TOP6BL: variants seen among roughly 807,000 people sequenced by gnomAD.
The protein encoded by TOP6BL is TOP6B like initiator of meiotic double strand breaks.
chr11:66,796,357 A>G, the TOP6BL span: 2 of 1,606,154 alleles, frequency 1.2e-6, no homozygotes, highest in Non-Finnish European at 1.7e-6. Context: ...ATCATGGTGC[A>G]CCCTAAGGTA....
chr11:66,761,150 T>C, the TOP6BL span, among the ~76,000 whole-genome samples: 1 of 152,112 alleles, frequency 6.6e-6, no homozygotes, highest in Admixed American at 6.5e-5. Flanking sequence ...AGTGGGCGGA[T>C]CACGAGGTCA....
the TOP6BL span, among the ~76,000 whole-genome samples, chr11:66,752,689 G>A: frequency 6.6e-6 from 1 of 151,922 alleles, no homozygotes; most frequent in African/African-American, 2.4e-5. Flanking sequence ...CTGACCTCAA[G>A]CGATCCACCC....
the TOP6BL span, among the ~76,000 whole-genome samples, chr11:66,798,304 A>G: frequency 2.0e-4 from 30 of 152,248 alleles, no homozygotes; most frequent in South Asian, 6.2e-3. Flanking sequence ...GTTCCTTTAA[A>G]AAGGAGGTGA....
the TOP6BL span, chr11:66,800,564 T>G: frequency 8.8e-7 from 1 of 1,135,536 alleles, no homozygotes; most frequent in Non-Finnish European, 1.3e-6. Context: ...TTCTTTTCCT[T>G]TAGGGATTAG....
the TOP6BL span, among the ~76,000 whole-genome samples, chr11:66,778,099 T>C: frequency 6.6e-6 from 1 of 151,644 alleles, no homozygotes; most frequent in East Asian, 1.9e-4. Context: ...CTTTCTTTTT[T>C]TTTTTTTTTA....
the TOP6BL span, chr11:66,843,346 C>G: frequency 6.8e-7 from 1 of 1,470,576 alleles, no homozygotes; most frequent in South Asian, 1.3e-5. Context: ...CGTCTGCTTC[C>G]GCGTCGGGCC....
At chr11:66,758,087 A>G in the TOP6BL span, 1 of 963,056 alleles carries the variant, frequency 1.0e-6, no homozygotes, top group Non-Finnish European at 1.2e-6. Flanking sequence ...AATGATTCTT[A>G]GATTCTGAAC....
chr11:66,825,173 C>G, the TOP6BL span, among the ~76,000 whole-genome samples: 1 of 151,240 alleles, frequency 6.6e-6, no homozygotes, highest in African/African-American at 2.4e-5. Context: ...CGGATTAGTG[C>G]CTTTATAAAA....
At chr11:66,745,684 G>A in the TOP6BL span, among the ~76,000 whole-genome samples, 1 of 152,242 alleles carries the variant, frequency 6.6e-6, no homozygotes, top group Non-Finnish European at 1.5e-5. Context: ...AAGGCGGCGG[G>A]ATTCCATTTT....
At chr11:66,816,946 G>A in the TOP6BL span, among the ~76,000 whole-genome samples, 4 of 152,004 alleles carry the variant, frequency 2.6e-5, no homozygotes, top group Non-Finnish European at 5.9e-5. Context: ...TTGCAGCCAG[G>A]AGTTCAAGGC....
the TOP6BL span, among the ~76,000 whole-genome samples, chr11:66,840,886 C>G: frequency 6.6e-6 from 1 of 152,148 alleles, no homozygotes. Flanking sequence ...TCCATCCCAA[C>G]TGTTGACCAC....
At chr11:66,756,823 C>T in the TOP6BL span, among the ~76,000 whole-genome samples, 4 of 152,148 alleles carry the variant, frequency 2.6e-5, no homozygotes, top group South Asian at 8.3e-4. Context: ...CTGATCTTCC[C>T]ACCTCAGCCT....
At chr11:66,789,946 A>T in the TOP6BL span, among the ~76,000 whole-genome samples, 8 of 152,172 alleles carry the variant, frequency 5.3e-5, no homozygotes, top group East Asian at 1.3e-3. Context: ...AGTGAGCTAG[A>T]TACTATCTGT....
the TOP6BL span, chr11:66,804,203 T>A: frequency 8.2e-6 from 13 of 1,586,534 alleles, no homozygotes; most frequent in Admixed American, 9.0e-5. Flanking sequence ...ATCCTTTTGA[T>A]GAAAAGTTCC....
At chr11:66,842,268 G>A in the TOP6BL span, among the ~76,000 whole-genome samples, 6 of 152,244 alleles carry the variant, frequency 3.9e-5, no homozygotes, top group East Asian at 7.7e-4. Flanking sequence ...AGAGGTGGTC[G>A]GCTTCCTTCT....
chr11:66,796,282 T>A, the TOP6BL span: 1 of 1,606,866 alleles, frequency 6.2e-7, no homozygotes, highest in Non-Finnish European at 8.5e-7. Flanking sequence ...TTATTACAGG[T>A]TGATGAAAAG....
the TOP6BL span, among the ~76,000 whole-genome samples, chr11:66,784,824 C>T: frequency 6.6e-6 from 1 of 152,146 alleles, no homozygotes; most frequent in African/African-American, 2.4e-5. Context: ...CTGCTATGAG[C>T]ATTCATGTAC....
chr11:66,793,426 AT>A, the TOP6BL span, among the ~76,000 whole-genome samples: 1 of 146,190 alleles, frequency 6.8e-6, no homozygotes, highest in Non-Finnish European at 1.5e-5. Context: ...ACTTTTTCAA[AT>A]AATTTTTTCT....
the TOP6BL span, among the ~76,000 whole-genome samples, chr11:66,786,079 AC>A: frequency 6.6e-6 from 1 of 152,184 alleles, no homozygotes; most frequent in Non-Finnish European, 1.5e-5. Context: ...CGGGCAGATC[AC>A]TTGAGGCCAA....
Sources: gnomAD v4.1 joint callset for allele counts (sites outside exome capture counted in the v4.1 genomes callset) on GRCh38, gnomAD v4.1.1 for gene constraint, MANE v1.5 for transcripts, NCBI Gene and HGNC (gene_info 2026-07-23, HGNC 2026-07-21) for gene names.